Variants in ARHGEF12 observed in about 807,000 individuals in gnomAD.
ARHGEF12 encodes KMT2A/ARHGEF12 fusion protein.
Under a neutral mutation model 211.2 loss-of-function variants are expected in ARHGEF12, and 66 were observed. That is an observed-to-expected ratio of 0.31 (90% confidence interval 0.26 to 0.38). The LOEUF (loss-of-function observed/expected upper bound fraction) is 0.38. ARHGEF12 is among the 10% of genes least tolerant of loss of function. The pLI, the probability that ARHGEF12 is intolerant of heterozygous loss-of-function variation, is 1.00. For synonymous variants in ARHGEF12, 592 were observed against 638.4 expected, an observed-to-expected ratio of 0.93 and a Z score of 1.09; for missense variants, 1,429 against 1,869.5, an observed-to-expected ratio of 0.76 and a Z score of 4.34.
chr11:120,446,336 C>G, intron 16 of ARHGEF12, 67 bp from the exon 17 acceptor site: 1 of 1,219,608 alleles, frequency 8.2e-7, no homozygotes, highest in Non-Finnish European at 1.2e-6. Context: ...AGTAGCATTG[C>G]TATGTTGCCA....
In ARHGEF12 at chr11:120,480,438, T is replaced by C; in HGVS notation, c.4237+8T>C. 1 of 1,594,960 alleles carries C rather than the reference T, an allele frequency of 6.3e-7. No homozygotes were observed. Among genetic ancestry groups the C allele is most frequent in the Non-Finnish European group, 8.5e-7 (1 of 1,170,562 alleles). On this transcript the variant is annotated splice_region_variant and intron_variant, in intron 38 of 40. Transcript: ENST00000397843. ...TTAATTTACGCATCTCAGGCAAGTATCTTTCACACTTAAACTTTGATTTTG... is the reference window on the plus strand; with the variant it reads ...TTAATTTACGCATCTCAGGCAAGTACCTTTCACACTTAAACTTTGATTTTG...
chr11:120,443,580 A>G (rs1333246145), intron 15 of ARHGEF12, among the ~76,000 whole-genome samples: 1 of 152,138 alleles, frequency 6.6e-6, no homozygotes, highest in Non-Finnish European at 1.5e-5. Context: ...TTGTCTGTAC[A>G]CTTTCACATT....
At chr11:120,367,639 C>G (rs537876871) in intron 1 of ARHGEF12, among the ~76,000 whole-genome samples, 3 of 151,874 alleles carry the variant, frequency 2.0e-5, no homozygotes, top group Non-Finnish European at 4.4e-5. Flanking sequence ...GCTGGGATTA[C>G]AGGCGTGAGC....
chr11:120,416,275 A>G (rs1455191975), intron 4 of ARHGEF12, among the ~76,000 whole-genome samples: 1 of 152,070 alleles, frequency 6.6e-6, no homozygotes, highest in Non-Finnish European at 1.5e-5. Context: ...CAATTTTTTT[A>G]AGTTTCCTTC....
intron 22 of ARHGEF12, among the ~76,000 whole-genome samples, chr11:120,453,018 C>A (rs1287162): frequency 0.42 from 62,069 of 146,524 alleles, 13,469 homozygotes; most frequent in East Asian, 0.69. Context: ...AAAACAAAAA[C>A]AAAAAAAAAC....
In ARHGEF12 at chr11:120,457,730, A is replaced by G. The variant is rs775460574; in HGVS notation, c.2199A>G (p.Glu733=). Residue 733 remains glutamate (E), a synonymous_variant, in exon 24 of 41, where the codon GAA becomes GAG. Transcript: ENST00000397843. ...EEECEVERVT[E]HGTPKPFRKF... Reference sequence around the variant, plus strand: ...CTTTCCATTGTTTTAGGGTGACTGAACATGGGACACCAAAGCCCTTTCGAA... The same window carrying G: ...CTTTCCATTGTTTTAGGGTGACTGAGCATGGGACACCAAAGCCCTTTCGAA... The G allele has an allele frequency of 1.9e-6, 3 of 1,608,736 alleles. No homozygotes were observed. The highest frequency in any genetic ancestry group is 2.2e-5 in the South Asian group (2 of 90,164).
chr11:120,391,356 T>C (rs1944211565), intron 1 of ARHGEF12, among the ~76,000 whole-genome samples: 1 of 152,224 alleles, frequency 6.6e-6, no homozygotes, highest in Admixed American at 6.5e-5. Context: ...TTAAGCTGTT[T>C]CCTTAATGGG....
rs1397202385 is a variant in ARHGEF12 at position 120,407,677 on chromosome 11, T to A, written c.57-61T>A. The A allele has an allele frequency of 3.0e-6, 4 of 1,332,078 alleles. No homozygotes were observed. The East Asian group carries it at 7.0e-5, about 23-fold the overall frequency. The allele number at this position is 1,332,078 out of a possible 1,614,324, so 82.5% of individuals were successfully genotyped here. A position where few individuals can be genotyped will look rare whatever the true frequency, so the allele number is the denominator to read the frequency against. ...CTTGTAAGATCCACTTTTAGAATTT[T>A]AAATTTTTTATTCTAATGATTTTCT... On this transcript the variant is annotated intron_variant, in intron 2 of 40. Coordinates refer to ENST00000397843, the MANE Select transcript of ARHGEF12 (RefSeq NM_015313.3).
At chr11:120,427,495 G>A (rs1401414984) in intron 7 of ARHGEF12, among the ~76,000 whole-genome samples, 3 of 151,668 alleles carry the variant, frequency 2.0e-5, no homozygotes, top group Admixed American at 6.6e-5. Flanking sequence ...TTGAGCTCAG[G>A]AGTTTAAGAC....
chr11:120,350,421 A>C (rs1942899263), intron 1 of ARHGEF12, among the ~76,000 whole-genome samples: 1 of 151,832 alleles, frequency 6.6e-6, no homozygotes, highest in Non-Finnish European at 1.5e-5. Context: ...AGGCTGAGGC[A>C]GGAGAATGGC....
At chr11:120,448,000 C>A in intron 19 of ARHGEF12, 94 bp downstream of exon 19, 1 of 1,026,272 alleles carries the variant, frequency 9.7e-7, no homozygotes, top group Non-Finnish European at 1.4e-6. Context: ...TTTCTTTTAA[C>A]TTACAAATAC....
At position 120,476,672 on chromosome 11, in the gene ARHGEF12, T is replaced by C; in HGVS notation, c.3289T>C (p.Leu1097=). The part of the protein sequence containing the change: ...VRQVATDNKA[L]FVISMSDNGA... ...ATTGTTTTTTCCAGATAACAAAGCT[T>C]TATTCGTCATTTCCATGTCAGACAA... is the stretch of plus-strand genomic sequence containing the variant. The change falls in exon 34 of 41, where the codon TTA becomes CTA. Residue 1097 remains leucine (L), a synonymous_variant. Coordinates refer to ENST00000397843, the MANE Select transcript of ARHGEF12 (RefSeq NM_015313.3). 1 of 1,612,760 alleles carries C rather than the reference T, an allele frequency of 6.2e-7. No individual in the cohort carries two copies. The highest frequency in any genetic ancestry group is 8.5e-7 in the Non-Finnish European group (1 of 1,179,470).
At position 120,351,427 on chromosome 11, in the gene ARHGEF12, ATATATATATATATATATATATATATATAT is replaced by A. The variant is rs1440334102; in HGVS notation, c.32+14154_32+14182del. Among the ~76,000 whole-genome samples, 94 of 11,312 alleles carry A rather than the reference ATATATATATATATATATATATATATATAT, an allele frequency of 8.3e-3. 8 individuals carry two copies. Among genetic ancestry groups the A allele is most frequent in the Admixed American group, 0.011 (8 of 716 alleles). 7.4% of individuals were successfully genotyped at this position (11,312 alleles called of 152,430 possible). ...GAAAGGAATATATATATATATATAT[ATATATATATATATATATATATATATATAT>A]TTTTTTTTTTTTTTTTTTTTTTTTT... On this transcript the variant is annotated intron_variant, in intron 1 of 40. Transcript: ENST00000397843.
intron 1 of ARHGEF12, among the ~76,000 whole-genome samples, chr11:120,347,150 TC>T (rs1565416921): frequency 0.039 from 1,745 of 44,632 alleles, 157 homozygotes; most frequent in African/African-American, 0.16. Context: ...CTTCCTTCCT[TC>T]CTTCCTTCCT....
chr11:120,483,280 T>TTG (rs1947304915), intron 39 of ARHGEF12, among the ~76,000 whole-genome samples: 2 of 148,166 alleles, frequency 1.3e-5, no homozygotes, highest in Non-Finnish European at 3.0e-5. Flanking sequence ...TTTTTTTTTT[T>TTG]GAGACAGTCT....
intron 1 of ARHGEF12, among the ~76,000 whole-genome samples, chr11:120,399,703 C>G (rs938181213): frequency 1.3e-5 from 2 of 152,104 alleles, no homozygotes; most frequent in African/African-American, 4.8e-5. Flanking sequence ...ATATTTGATA[C>G]ATAAGATAAG....
At chr11:120,377,183 G>A (rs186564563) in intron 1 of ARHGEF12, among the ~76,000 whole-genome samples, 28 of 152,268 alleles carry the variant, frequency 1.8e-4, no homozygotes, top group African/African-American at 6.5e-4. Context: ...TTTGACAAGT[G>A]TGTATACTTT....
chr11:120,350,667 C>T (rs1942908030), intron 1 of ARHGEF12, among the ~76,000 whole-genome samples: 1 of 151,710 alleles, frequency 6.6e-6, no homozygotes, highest in African/African-American at 2.4e-5. Flanking sequence ...TTTTATTTTT[C>T]AGTTTAGTTA....
chr11:120,392,059 A>C, intron 1 of ARHGEF12, among the ~76,000 whole-genome samples: 1 of 152,222 alleles, frequency 6.6e-6, no homozygotes, highest in African/African-American at 2.4e-5. Context: ...TGTGGCTCAC[A>C]TTCTTACATT....
Sources: allele counts gnomAD v4.1 joint callset (sites outside exome capture counted in the v4.1 genomes callset), GRCh38; gene constraint gnomAD v4.1.1; transcripts MANE v1.5; gene names NCBI Gene and HGNC (gene_info 2026-07-23, HGNC 2026-07-21).